FARS2: variants seen among roughly 807,000 people sequenced by gnomAD.
FARS2 encodes phenylalanine--tRNA ligase, mitochondrial.
FARS2 carries 40 observed loss-of-function variants against 46.4 expected under a neutral mutation model. The ratio of observed to expected loss-of-function variants is 0.86; its 90% CI spans 0.67 to 1.12. The LOEUF (loss-of-function observed/expected upper bound fraction) is 1.12. Among genes scored for constraint, FARS2 ranks in the 50% most tolerant of loss-of-function variants. The probability of loss-of-function intolerance (pLI) is 0.00; values close to 1 mark genes in which losing one functional copy is unlikely to be tolerated. For missense variants in FARS2, 513 were observed against 567.9 expected (o/e 0.90, Z 0.98); for synonymous variants, 234 against 214.9 (o/e 1.09, Z -0.78).
intron 1 of FARS2, among the ~76,000 whole-genome samples, chr6:5,339,166 T>C (rs557433235): frequency 6.6e-6 from 1 of 152,196 alleles, no homozygotes; most frequent in Non-Finnish European, 1.5e-5. Flanking sequence ...GCTATACTAC[T>C]CTGTCAGTAT....
intron 1 of FARS2, among the ~76,000 whole-genome samples, chr6:5,267,892 A>T (rs1211437764): frequency 6.6e-6 from 1 of 151,962 alleles, no homozygotes; most frequent in Non-Finnish European, 1.5e-5. Flanking sequence ...AATGATCGCC[A>T]TTCTAACTGG....
intron 6 of FARS2, among the ~76,000 whole-genome samples, chr6:5,681,537 AG>A (rs1561796229): frequency 1.3e-5 from 2 of 152,180 alleles, no homozygotes; most frequent in East Asian, 1.9e-4. Flanking sequence ...ATTTGTGTAC[AG>A]GGGGAAAAAG....
intron 4 of FARS2, among the ~76,000 whole-genome samples, chr6:5,483,676 A>C (rs1348176738): frequency 1.3e-5 from 2 of 151,910 alleles, no homozygotes; most frequent in African/African-American, 4.8e-5. Flanking sequence ...CAAAAAATAA[A>C]TAAATAAATA....
intron 1 of FARS2, among the ~76,000 whole-genome samples, chr6:5,285,384 G>A (rs1561931888): frequency 6.6e-6 from 1 of 152,206 alleles, no homozygotes; most frequent in African/African-American, 2.4e-5. Flanking sequence ...CCTGTGCTGA[G>A]AAGAGTGGGG....
intron 5 of FARS2, among the ~76,000 whole-genome samples, chr6:5,605,936 T>C (rs1774808150): frequency 6.6e-6 from 1 of 152,208 alleles, no homozygotes; most frequent in African/African-American, 2.4e-5. Flanking sequence ...CAGATGAGAC[T>C]ACTAGACTCA....
At position 5,341,202 on chromosome 6, in the gene FARS2, TATATATATATATATATATATATATATA is replaced by T. The variant is rs1561969596; in HGVS notation, c.-21-27347_-21-27321del. On this transcript the variant is annotated intron_variant, in intron 1 of 6. Coordinates refer to ENST00000274680, the MANE Select transcript of FARS2 (RefSeq NM_006567.5). ...GGCCATGGGGAGATATATATATATA[TATATATATATATATATATATATATATA>T]TATATATTTTTTTTTTTTTTTTTTT... Among the ~76,000 whole-genome samples, 21 of 5,504 alleles carry T rather than the reference TATATATATATATATATATATATATATA, an allele frequency of 3.8e-3. No individual in the cohort carries two copies. The East Asian group carries it at 0.074, about 19-fold the overall frequency. 3.6% of individuals were successfully genotyped at this position (5,504 alleles called of 152,430 possible).
intron 5 of FARS2, among the ~76,000 whole-genome samples, chr6:5,550,925 A>G (rs1299136233): frequency 6.6e-6 from 1 of 152,188 alleles, no homozygotes; most frequent in Non-Finnish European, 1.5e-5. Context: ...TGATCCTTCA[A>G]AACTTCTGAG....
intron 4 of FARS2, 75 bp from the exon 5 acceptor site, chr6:5,545,105 A>T (rs924764509): frequency 7.1e-7 from 1 of 1,406,426 alleles, no homozygotes; most frequent in African/African-American, 1.4e-5. Flanking sequence ...TGTCACTGAT[A>T]ACTGTCAGGG....
chr6:5,266,376 G>A (rs1417892911), intron 1 of FARS2, among the ~76,000 whole-genome samples: 1 of 152,112 alleles, frequency 6.6e-6, no homozygotes, highest in South Asian at 2.1e-4. Flanking sequence ...TTTAAGAAAA[G>A]TGAAGCTGCC....
chr6:5,545,794 C>CT (rs907765804), intron 5 of FARS2, among the ~76,000 whole-genome samples: 1 of 152,114 alleles, frequency 6.6e-6, no homozygotes, highest in African/African-American at 2.4e-5. Context: ...TGAACTCATT[C>CT]TTTTTTATGG....
At chr6:5,350,034 A>G (rs1757473076) in intron 1 of FARS2, among the ~76,000 whole-genome samples, 1 of 152,086 alleles carries the variant, frequency 6.6e-6, no homozygotes, top group Non-Finnish European at 1.5e-5. Flanking sequence ...TCCATTGTAC[A>G]GTTATTCTTC....
intron 6 of FARS2, among the ~76,000 whole-genome samples, chr6:5,640,673 G>A (rs758057924): frequency 1.3e-5 from 2 of 152,188 alleles, no homozygotes; most frequent in Non-Finnish European, 2.9e-5. Flanking sequence ...CCTCTAGGCC[G>A]ACTTGTCACA....
upstream of FARS2, among the ~76,000 whole-genome samples, chr6:5,256,297 C>A (rs1003581152): frequency 6.6e-6 from 1 of 151,498 alleles, no homozygotes; most frequent in South Asian, 2.1e-4. Context: ...CAAGATCAGC[C>A]TGGCCAATAT....
At position 5,691,916 on chromosome 6, in the gene FARS2, A is replaced by G. The variant is rs760741778; in HGVS notation, c.1217+78596A>G. On this transcript the variant is annotated intron_variant, in intron 6 of 6. Transcript: ENST00000274680. The stretch of plus-strand genomic sequence containing the variant: ...GTGCCCCTCCCCTAGCCTCGCTGCC[A>G]CCTTGCAGTTTGATCTCAGACTGCT... Among the ~76,000 whole-genome samples the G allele has an allele frequency of 1.8e-3, 268 of 152,196 alleles. 1 individual carries two copies. The highest frequency in any genetic ancestry group is 5.4e-3 in the Admixed American group (82 of 15,288).
chr6:5,322,341 T>C (rs1333111163), intron 1 of FARS2, among the ~76,000 whole-genome samples: 2 of 152,242 alleles, frequency 1.3e-5, no homozygotes, highest in Non-Finnish European at 2.9e-5. Context: ...TATATCTCTC[T>C]TTTATAAAAA....
At chr6:5,645,834 T>C (rs1183893289) in intron 6 of FARS2, among the ~76,000 whole-genome samples, 4 of 152,238 alleles carry the variant, frequency 2.6e-5, no homozygotes, top group African/African-American at 9.6e-5. Flanking sequence ...TCAGAGGCTA[T>C]AGGATAAATA....
In FARS2 at chr6:5,341,221, ATATATATATATATATTTTTT is replaced by A. The variant is rs1265529756; in HGVS notation, c.-21-27327_-21-27308del. Among the ~76,000 whole-genome samples the A allele has an allele frequency of 1.8e-3, 9 of 4,986 alleles. No homozygotes were observed. The South Asian group carries it at 0.025, about 14-fold the overall frequency. The allele number at this position is 4,986 out of a possible 152,430, so 3.3% of individuals were successfully genotyped here. ...TATATATATATATATATATATATAT[ATATATATATATATATTTTTT>A]TTTTTTTTTTTTTTTTCCCTGTGAG... On this transcript the variant is annotated intron_variant, in intron 1 of 6. Coordinates refer to ENST00000274680, the MANE Select transcript of FARS2 (RefSeq NM_006567.5).
chr6:5,418,802 C>G (rs1020385377), intron 3 of FARS2, among the ~76,000 whole-genome samples: 1 of 152,174 alleles, frequency 6.6e-6, no homozygotes, highest in African/African-American at 2.4e-5. Context: ...GGTCTCACCC[C>G]TCTGGGGGGT....
intron 6 of FARS2, among the ~76,000 whole-genome samples, chr6:5,625,002 T>C (rs1240147085): frequency 6.6e-6 from 1 of 152,200 alleles, no homozygotes; most frequent in Non-Finnish European, 1.5e-5. Context: ...TCCATCCACC[T>C]GTGTCTCCTG....
Sources: allele counts gnomAD v4.1 joint callset (sites outside exome capture counted in the v4.1 genomes callset), GRCh38; gene constraint gnomAD v4.1.1; transcripts MANE v1.5; gene names NCBI Gene and HGNC (gene_info 2026-07-23, HGNC 2026-07-21).